The following LY96 variants were observed in gnomAD, a reference collection of about 807,000 sequenced individuals.
LY96 encodes the protein lymphocyte antigen 96.
Under a neutral mutation model 18.9 loss-of-function variants are expected in LY96, and 18 were observed. That is an observed-to-expected ratio of 0.95 (90% CI 0.66 to 1.41). LY96 has a LOEUF of 1.41. Ranked by LOEUF, LY96 falls within the 40% of genes most tolerant of loss-of-function variation. LY96 has a pLI of 0.00. For synonymous variants in LY96, 66 were observed against 62.6 expected, an observed-to-expected ratio of 1.06 and a Z score of -0.26; for missense variants, 175 against 182.4, an observed-to-expected ratio of 0.96 and a Z score of 0.23.
At chr8:74,006,423 C>T (rs1331245343) in intron 2 of LY96, among the ~76,000 whole-genome samples, 1 of 152,138 alleles carries the variant, frequency 6.6e-6, no homozygotes, top group Non-Finnish European at 1.5e-5. Flanking sequence ...GTCTTGAACT[C>T]CTAACCTCAA....
chr8:74,065,143 A>G, the LY96 span, among the ~76,000 whole-genome samples: 5 of 152,296 alleles, frequency 3.3e-5, no homozygotes, highest in Non-Finnish European at 4.4e-5. Flanking sequence ...GAATCCACCC[A>G]TGATCTGTAA....
At chr8:74,087,261 A>T in the LY96 span, among the ~76,000 whole-genome samples, 2 of 152,206 alleles carry the variant, frequency 1.3e-5, no homozygotes, top group African/African-American at 4.8e-5. Flanking sequence ...CATGAGACTT[A>T]TTTAAAATGC....
At chr8:74,014,902 G>A (rs1299379292) in intron 3 of LY96, among the ~76,000 whole-genome samples, 1 of 151,272 alleles carries the variant, frequency 6.6e-6, no homozygotes. Context: ...ATATTTCAAA[G>A]CATCTTAAAT....
At chr8:74,074,075 G>A in the LY96 span, among the ~76,000 whole-genome samples, 1 of 152,266 alleles carries the variant, frequency 6.6e-6, no homozygotes, top group Non-Finnish European at 1.5e-5. Context: ...TCAGCTCACT[G>A]CAACCTCTGC....
the LY96 span, among the ~76,000 whole-genome samples, chr8:74,051,708 C>T: frequency 2.0e-5 from 3 of 152,172 alleles, no homozygotes; most frequent in African/African-American, 7.2e-5. Flanking sequence ...AGTGCCCTTC[C>T]CTCTCCAACA....
chr8:74,008,263 CT>C (rs1157430456), intron 2 of LY96, among the ~76,000 whole-genome samples: 1 of 152,236 alleles, frequency 6.6e-6, no homozygotes, highest in African/African-American at 2.4e-5. Flanking sequence ...TGGAATCTTG[CT>C]GTGTTTCACG....
chr8:74,066,809 T>C, the LY96 span, among the ~76,000 whole-genome samples: 1 of 152,156 alleles, frequency 6.6e-6, no homozygotes, highest in Non-Finnish European at 1.5e-5. Flanking sequence ...CAGAGGGAGA[T>C]TCTCCAAAGA....
chr8:74,007,434 C>T (rs1338637424), intron 2 of LY96, among the ~76,000 whole-genome samples: 3 of 152,064 alleles, frequency 2.0e-5, no homozygotes, highest in South Asian at 2.1e-4. Context: ...ATTTTTATAG[C>T]GCAATTATGT....
At chr8:74,009,631 C>G (rs1414142232) in intron 2 of LY96, among the ~76,000 whole-genome samples, 1 of 152,130 alleles carries the variant, frequency 6.6e-6, no homozygotes, top group Non-Finnish European at 1.5e-5. Context: ...AGTTGACTGT[C>G]TCACTGTCCT....
chr8:74,081,097 C>A, the LY96 span, among the ~76,000 whole-genome samples: 1 of 125,546 alleles, frequency 8.0e-6, no homozygotes, highest in Non-Finnish European at 1.6e-5. Flanking sequence ...CTCTTTCTTT[C>A]TTTCTTTCTT....
At chr8:74,042,987 G>C in the LY96 span, among the ~76,000 whole-genome samples, 5 of 152,062 alleles carry the variant, frequency 3.3e-5, no homozygotes, top group Non-Finnish European at 7.4e-5. Flanking sequence ...ATGTTGGCCA[G>C]GATGGTCTCA....
the LY96 span, among the ~76,000 whole-genome samples, chr8:74,045,227 T>TA: frequency 1.3e-5 from 2 of 152,154 alleles, no homozygotes; most frequent in Non-Finnish European, 2.9e-5. Flanking sequence ...TTAGAGAGGA[T>TA]AAAAAATGAA....
chr8:74,008,049 C>T (rs1279352815), intron 2 of LY96, among the ~76,000 whole-genome samples: 4 of 152,188 alleles, frequency 2.6e-5, no homozygotes, highest in African/African-American at 7.2e-5. Context: ...CGTGAGCCAC[C>T]GCGCCCAGCC....
At chr8:74,081,177 C>CT in the LY96 span, among the ~76,000 whole-genome samples, 2 of 130,390 alleles carry the variant, frequency 1.5e-5, no homozygotes, top group Non-Finnish European at 3.2e-5. Flanking sequence ...TTCTTTCTTT[C>CT]TTTTCCCTTC....
intron 1 of LY96, among the ~76,000 whole-genome samples, chr8:73,996,369 A>T (rs7387139): frequency 0.027 from 1,433 of 53,162 alleles, 39 homozygotes; most frequent in Non-Finnish European, 0.034. Flanking sequence ...TCCTTCCTTC[A>T]TTCCTTTCTT....
chr8:73,999,807 C>T (rs367777078), intron 1 of LY96, among the ~76,000 whole-genome samples: 1 of 152,190 alleles, frequency 6.6e-6, no homozygotes, highest in Non-Finnish European at 1.5e-5. Context: ...GCATGAGCCA[C>T]CATGTCCAGC....
At chr8:74,026,323 C>T (rs775909055) in intron 3 of LY96, among the ~76,000 whole-genome samples, 26 of 152,208 alleles carry the variant, frequency 1.7e-4, no homozygotes, top group Non-Finnish European at 3.2e-4. Flanking sequence ...TGGCTATGCA[C>T]TTAAACAGAA....
the LY96 span, among the ~76,000 whole-genome samples, chr8:74,036,864 C>T: frequency 6.6e-6 from 1 of 152,172 alleles, no homozygotes; most frequent in Non-Finnish European, 1.5e-5. Flanking sequence ...CAGGTTTTTA[C>T]CCAACCCTGT....
At chr8:74,044,049 T>C in the LY96 span, among the ~76,000 whole-genome samples, 1 of 151,980 alleles carries the variant, frequency 6.6e-6, no homozygotes, top group African/African-American at 2.4e-5. Context: ...ATTACAAGCA[T>C]AAGCCACCAA....
Sources: allele counts gnomAD v4.1 joint callset (sites outside exome capture counted in the v4.1 genomes callset), GRCh38; gene constraint gnomAD v4.1.1; transcripts MANE v1.5; gene names NCBI Gene and HGNC (gene_info 2026-07-23, HGNC 2026-07-21).